The following CDH8 variants were observed in gnomAD, a reference collection of about 807,000 sequenced individuals.
CDH8 encodes cadherin 8.
In CDH8, 17 loss-of-function variants were observed where a neutral mutation model predicts 68.1. The ratio of observed to expected loss-of-function variants is 0.25; its 90% CI spans 0.17 to 0.37. The LOEUF (loss-of-function observed/expected upper bound fraction) is 0.37. Among genes scored for constraint, CDH8 ranks in the 10% least tolerant of loss-of-function variants. The pLI is 1.00. For missense variants in CDH8, 763 were observed against 999.3 expected (o/e 0.76, Z 3.19); for synonymous variants, 372 against 365.1 (o/e 1.02, Z -0.21).
chr16:61,888,097 A>T (rs1963709189), intron 3 of CDH8, among the ~76,000 whole-genome samples: 2 of 152,174 alleles, frequency 1.3e-5, no homozygotes, highest in South Asian at 4.1e-4. Context: ...CTCTTGCATG[A>T]TTCAGCAGAT....
At chr16:61,958,736 A>C (rs1965027216) in intron 2 of CDH8, among the ~76,000 whole-genome samples, 1 of 152,268 alleles carries the variant, frequency 6.6e-6, no homozygotes, top group African/African-American at 2.4e-5. Flanking sequence ...AATACTCAAT[A>C]ATTACAATTG....
At chr16:61,836,508 T>C (rs1457110652) in intron 4 of CDH8, among the ~76,000 whole-genome samples, 2 of 152,042 alleles carry the variant, frequency 1.3e-5, no homozygotes, top group Admixed American at 1.3e-4. Context: ...CCCCTAAGAC[T>C]ACATTATTGT....
At chr16:61,778,158 T>C (rs1173254493) in intron 8 of CDH8, among the ~76,000 whole-genome samples, 1 of 152,098 alleles carries the variant, frequency 6.6e-6, no homozygotes, top group East Asian at 1.9e-4. Flanking sequence ...TTCTCTTCCA[T>C]GGGTGTTATC....
chr16:61,884,808 G>A (rs898906543), intron 3 of CDH8, among the ~76,000 whole-genome samples: 4 of 152,156 alleles, frequency 2.6e-5, no homozygotes, highest in Non-Finnish European at 5.9e-5. Flanking sequence ...CTGGTCAACA[G>A]TAGGCTATTG....
intron 9 of CDH8, among the ~76,000 whole-genome samples, chr16:61,723,325 G>A (rs575738660): frequency 6.8e-4 from 102 of 150,734 alleles, no homozygotes; most frequent in Non-Finnish European, 6.6e-4. Flanking sequence ...GAAGATACTG[G>A]TTTCTCCACA....
chr16:61,778,305 T>C (rs534563151), intron 8 of CDH8, among the ~76,000 whole-genome samples: 11 of 152,248 alleles, frequency 7.2e-5, no homozygotes, highest in Non-Finnish European at 1.2e-4. Context: ...AATCTTGATA[T>C]AAAATCTAAA....
At chr16:61,719,066 G>A (rs1959199128) in intron 9 of CDH8, among the ~76,000 whole-genome samples, 2 of 150,792 alleles carry the variant, frequency 1.3e-5, no homozygotes, top group South Asian at 4.2e-4. Flanking sequence ...AATTTGCATG[G>A]CATTCCAGTT....
At chr16:62,009,126 T>C (rs1177771027) in intron 2 of CDH8, among the ~76,000 whole-genome samples, 1 of 152,150 alleles carries the variant, frequency 6.6e-6, no homozygotes, top group Non-Finnish European at 1.5e-5. Flanking sequence ...GACTTGCTTC[T>C]AAGAGTTACA....
chr16:61,981,885 T>C (rs1187775635), intron 2 of CDH8, among the ~76,000 whole-genome samples: 1 of 152,196 alleles, frequency 6.6e-6, no homozygotes, highest in African/African-American at 2.4e-5. Flanking sequence ...AACAACAAAA[T>C]ACTTTACAAT....
At chr16:61,708,335 C>T (rs1298317355) in intron 10 of CDH8, among the ~76,000 whole-genome samples, 5 of 152,102 alleles carry the variant, frequency 3.3e-5, no homozygotes, top group Non-Finnish European at 7.4e-5. Flanking sequence ...TCCTAGTGGT[C>T]AGTAATCTCA....
intron 2 of CDH8, among the ~76,000 whole-genome samples, chr16:61,914,711 C>G (rs942945375): frequency 7.0e-6 from 1 of 143,198 alleles, no homozygotes; most frequent in African/African-American, 2.6e-5. Context: ...TACCCTAGAA[C>G]TGAAAGTATA....
At chr16:61,908,858 A>G (rs1184663309) in intron 2 of CDH8, among the ~76,000 whole-genome samples, 8 of 152,234 alleles carry the variant, frequency 5.3e-5, no homozygotes, top group Non-Finnish European at 1.2e-4. Context: ...GGCAATAAGC[A>G]TACGAATACC....
At chr16:61,879,998 T>A (rs1315541004) in intron 3 of CDH8, among the ~76,000 whole-genome samples, 4 of 152,114 alleles carry the variant, frequency 2.6e-5, no homozygotes, top group African/African-American at 9.7e-5. Context: ...CCATCTCGGC[T>A]CACTGCAACC....
intron 10 of CDH8, among the ~76,000 whole-genome samples, chr16:61,660,281 C>G (rs935399928): frequency 6.6e-6 from 1 of 150,828 alleles, no homozygotes; most frequent in Admixed American, 6.6e-5. Flanking sequence ...AGCAGAAAAA[C>G]AGCTGGCAAA....
chr16:61,840,608 A>G (rs569641384), intron 4 of CDH8, among the ~76,000 whole-genome samples: 158 of 152,254 alleles, frequency 1.0e-3, no homozygotes, highest in Non-Finnish European at 1.7e-3. Context: ...GAACAAGATG[A>G]TGTCTTTTAC....
At chr16:61,959,467 C>A (rs1965042182) in intron 2 of CDH8, among the ~76,000 whole-genome samples, 1 of 151,478 alleles carries the variant, frequency 6.6e-6, no homozygotes, top group Non-Finnish European at 1.5e-5. Context: ...CTTGGGGTAA[C>A]AGACACCTGT....
At chr16:61,839,608 C>T (rs1224245886) in intron 4 of CDH8, among the ~76,000 whole-genome samples, 1 of 152,102 alleles carries the variant, frequency 6.6e-6, no homozygotes, top group African/African-American at 2.4e-5. Flanking sequence ...CCAAACTTAA[C>T]CCTGATCTCT....
chr16:61,659,628 C>T (rs1055226445), intron 10 of CDH8, among the ~76,000 whole-genome samples: 6 of 152,186 alleles, frequency 3.9e-5, no homozygotes, highest in African/African-American at 7.2e-5. Flanking sequence ...TCTAGCCCAC[C>T]GTACACTGGG....
At chr16:61,915,678 T>C (rs1267596088) in intron 2 of CDH8, among the ~76,000 whole-genome samples, 1 of 152,210 alleles carries the variant, frequency 6.6e-6, no homozygotes, top group African/African-American at 2.4e-5. Flanking sequence ...CGAAGTTAAA[T>C]CTAAGGTAAG....
Sources: gnomAD v4.1 joint callset for allele counts (sites outside exome capture counted in the v4.1 genomes callset) on GRCh38, gnomAD v4.1.1 for gene constraint, MANE v1.5 for transcripts, NCBI Gene and HGNC (gene_info 2026-07-23, HGNC 2026-07-21) for gene names.